TENM3: variants seen among roughly 807,000 people sequenced by gnomAD.
The protein encoded by TENM3 is teneurin transmembrane protein 3, also known as teneurin-3.
A neutral mutation model predicts 255.1 loss-of-function variants in TENM3; 63 were observed. The observed-to-expected ratio is 0.25, with a 90% CI of 0.20 to 0.30. TENM3 has a LOEUF of 0.30. Among genes scored for constraint, TENM3 ranks in the 10% least tolerant of loss-of-function variants. TENM3 has a pLI of 1.00. For missense variants in TENM3, 2,929 were observed against 3,461.1 expected, an observed-to-expected ratio of 0.85 and a Z score of 3.86; for synonymous variants, 1,306 against 1,322.3, an observed-to-expected ratio of 0.99 and a Z score of 0.27.
At chr4:181,792,706 A>T in the TENM3 span, among the ~76,000 whole-genome samples, 1 of 152,108 alleles carries the variant, frequency 6.6e-6, no homozygotes. Context: ...TCTCCCTCAC[A>T]GTTTTTTTCC....
At chr4:181,520,009 C>A in the TENM3 span, among the ~76,000 whole-genome samples, 1 of 152,136 alleles carries the variant, frequency 6.6e-6, no homozygotes, top group Non-Finnish European at 1.5e-5. Flanking sequence ...CAAAAAATAC[C>A]CACATGGAAC....
chr4:181,759,773 T>C, the TENM3 span, among the ~76,000 whole-genome samples: 1 of 150,234 alleles, frequency 6.7e-6, no homozygotes, highest in African/African-American at 2.4e-5. Context: ...TGCATGTGGA[T>C]AAACAGTAGG....
At chr4:182,688,418 T>G (rs983886134) in intron 12 of TENM3, 67 bp downstream of exon 12, 42 of 1,291,752 alleles carry the variant, frequency 3.3e-5, no homozygotes, top group Admixed American at 1.0e-4. Context: ...GTCAGCTGTT[T>G]TCAACTTGGA....
chr4:182,467,644 A>G (rs1482797446), intron 3 of TENM3, among the ~76,000 whole-genome samples: 1 of 152,184 alleles, frequency 6.6e-6, no homozygotes, highest in Non-Finnish European at 1.5e-5. Flanking sequence ...AGAGAAGTGG[A>G]CTTAAGGAGG....
chr4:181,910,559 A>G, the TENM3 span, among the ~76,000 whole-genome samples: 11 of 69,422 alleles, frequency 1.6e-4, no homozygotes, highest in African/African-American at 7.4e-4. Flanking sequence ...AAGTGTATAC[A>G]TATATATATA....
At chr4:182,192,182 G>T (rs533638840) in intron 1 of TENM3, among the ~76,000 whole-genome samples, 1 of 152,204 alleles carries the variant, frequency 6.6e-6, no homozygotes, top group East Asian at 1.9e-4. Context: ...TCTTGTCTGT[G>T]GCTGCTTTCA....
intron 2 of TENM3, among the ~76,000 whole-genome samples, chr4:182,326,210 G>A (rs1408656158): frequency 6.6e-6 from 1 of 152,244 alleles, no homozygotes; most frequent in Non-Finnish European, 1.5e-5. Context: ...GAACTTTGTA[G>A]AAACGTAAAT....
chr4:182,474,133 C>G (rs1393932285), intron 3 of TENM3, among the ~76,000 whole-genome samples: 1 of 152,040 alleles, frequency 6.6e-6, no homozygotes, highest in Non-Finnish European at 1.5e-5. Context: ...GGTACCAGAT[C>G]AGCCAAGTCA....
intron 3 of TENM3, among the ~76,000 whole-genome samples, chr4:182,557,832 A>G (rs1218410074): frequency 6.6e-6 from 1 of 152,082 alleles, no homozygotes; most frequent in African/African-American, 2.4e-5. Flanking sequence ...CCTCAGAAAC[A>G]CTTTTACCTA....
chr4:182,127,837 T>C, the TENM3 span, among the ~76,000 whole-genome samples: 1 of 152,188 alleles, frequency 6.6e-6, no homozygotes, highest in Admixed American at 6.5e-5. Context: ...AAACTTGAGA[T>C]AAAAAAGTCA....
chr4:181,636,512 C>A, the TENM3 span, among the ~76,000 whole-genome samples: 1 of 152,310 alleles, frequency 6.6e-6, no homozygotes, highest in Admixed American at 6.5e-5. Flanking sequence ...ACACCACATT[C>A]TAGCTGATCT....
chr4:182,354,216 T>C (rs1447793643), intron 3 of TENM3, among the ~76,000 whole-genome samples: 6 of 152,234 alleles, frequency 3.9e-5, no homozygotes, highest in Admixed American at 3.9e-4. Flanking sequence ...GTATACAGAA[T>C]ATATGCCATC....
intron 2 of TENM3, among the ~76,000 whole-genome samples, chr4:182,324,891 A>G (rs1763293141): frequency 6.6e-6 from 1 of 152,070 alleles, no homozygotes; most frequent in Non-Finnish European, 1.5e-5. Context: ...GAACATTTTT[A>G]CACTGTTTTT....
chr4:182,352,476 A>G (rs1453738606), intron 3 of TENM3, among the ~76,000 whole-genome samples: 2 of 152,180 alleles, frequency 1.3e-5, no homozygotes, highest in Non-Finnish European at 2.9e-5. Flanking sequence ...AGTTCACACA[A>G]TAAAATAAAT....
At chr4:182,673,457 C>T (rs932220418) in intron 7 of TENM3, among the ~76,000 whole-genome samples, 4 of 152,130 alleles carry the variant, frequency 2.6e-5, no homozygotes, top group Admixed American at 2.6e-4. Context: ...TTGTGAGGAA[C>T]TTAATGAATA....
intron 3 of TENM3, among the ~76,000 whole-genome samples, chr4:182,585,778 A>G (rs1158042011): frequency 6.6e-6 from 1 of 152,210 alleles, no homozygotes; most frequent in Non-Finnish European, 1.5e-5. Flanking sequence ...CAATTTTAAC[A>G]AACTGGCACC....
At chr4:181,573,023 TTAACA>T in the TENM3 span, among the ~76,000 whole-genome samples, 1 of 140,190 alleles carries the variant, frequency 7.1e-6, no homozygotes, top group Non-Finnish European at 1.6e-5. Context: ...CTTATTTCAC[TTAACA>T]TAATGACCCT....
chr4:182,381,226 A>C (rs1283963064), intron 3 of TENM3, among the ~76,000 whole-genome samples: 1 of 152,200 alleles, frequency 6.6e-6, no homozygotes, highest in Non-Finnish European at 1.5e-5. Context: ...TTAGAGACGG[A>C]AAACACCTAT....
In TENM3 at chr4:182,711,628, A is replaced by G. The variant is rs535282532; in HGVS notation, c.2222-2459A>G. The stretch of plus-strand genomic sequence containing the variant: ...TACTGTATACTCGCTCTTTGTTGAC[A>G]TATCTACATATATATCTCTATATAA... On this transcript the variant is annotated intron_variant, in intron 12 of 27. Transcript: ENST00000511685. The G allele has an allele frequency of 6.7e-6, 6 of 891,724 alleles. No homozygotes were observed. The African/African-American group carries it at 1.1e-4, about 16-fold the overall frequency. 55.2% of individuals were successfully genotyped at this position (891,724 alleles called of 1,614,324 possible). A position where few individuals can be genotyped will look rare whatever the true frequency, so the allele number is the denominator to read the frequency against.
Sources: gnomAD v4.1 joint callset for allele counts (sites outside exome capture counted in the v4.1 genomes callset) on GRCh38, gnomAD v4.1.1 for gene constraint, MANE v1.5 for transcripts, NCBI Gene and HGNC (gene_info 2026-07-23, HGNC 2026-07-21) for gene names.